CFAP69: variants seen among roughly 807,000 people sequenced by gnomAD.
The protein encoded by CFAP69 is cilia and flagella associated protein 69.
In CFAP69, 92 loss-of-function variants were observed where a neutral mutation model predicts 123.0. The ratio of observed to expected loss-of-function variants is 0.75; its 90% CI spans 0.63 to 0.89. CFAP69 has a LOEUF of 0.89. Ranked by LOEUF, CFAP69 falls within the 40% of genes least tolerant of loss-of-function variation. CFAP69 has a pLI of 0.00. For synonymous variants in CFAP69, 380 were observed against 364.3 expected, an observed-to-expected ratio of 1.04 and a Z score of -0.49; for missense variants, 1,067 against 1,096.9, an observed-to-expected ratio of 0.97 and a Z score of 0.39.
intron 17 of CFAP69, chr7:90,301,561 A>G (rs1047043397): frequency 5.3e-5 from 8 of 152,126 alleles, no homozygotes; most frequent in African/African-American, 1.9e-4. Context: ...GATCCCACTT[A>G]TAAGTGAAGA....
At chr7:90,260,385 C>T (rs933378721) in intron 3 of CFAP69, among the ~76,000 whole-genome samples, 21 of 151,932 alleles carry the variant, frequency 1.4e-4, no homozygotes, top group African/African-American at 4.3e-4. Context: ...CCATGTATGG[C>T]GATGCACACC....
chr7:90,260,067 C>CA, intron 3 of CFAP69, among the ~76,000 whole-genome samples: 1 of 152,286 alleles, frequency 6.6e-6, no homozygotes, highest in Non-Finnish European at 1.5e-5. Context: ...CTCCTTACAA[C>CA]ATTATGATTT....
At chr7:90,321,716 T>G in the CFAP69 span, among the ~76,000 whole-genome samples, 1 of 152,318 alleles carries the variant, frequency 6.6e-6, no homozygotes, top group African/African-American at 2.4e-5. Flanking sequence ...GGTTCTAATC[T>G]CTAGCTAAAC....
chr7:90,249,373 C>G (rs1244042097), intron 1 of CFAP69, among the ~76,000 whole-genome samples: 3 of 152,174 alleles, frequency 2.0e-5, no homozygotes, highest in African/African-American at 7.2e-5. Context: ...AAACCTCTTT[C>G]CTTTATAAAT....
chr7:90,251,078 A>G (rs1258430042), intron 1 of CFAP69, among the ~76,000 whole-genome samples: 1 of 152,112 alleles, frequency 6.6e-6, no homozygotes, highest in Admixed American at 6.6e-5. Flanking sequence ...TCAGTCTCAC[A>G]CAGCATACAA....
chr7:90,269,860 G>A (rs1799702682), intron 6 of CFAP69, among the ~76,000 whole-genome samples: 1 of 152,112 alleles, frequency 6.6e-6, no homozygotes, highest in Non-Finnish European at 1.5e-5. Context: ...CACATTTGTA[G>A]GCAGAGGAGC....
Position 90,307,114 on chromosome 7 carries a change from A to C in CFAP69, c.2463+16A>C, listed in dbSNP as rs1173777587. ...ATATGCAAAAGTAAGCTACATAGGT[A>C]GTGAGGAGGGAGAATGAAGATAGGT... is the stretch of plus-strand genomic sequence containing the variant. On this transcript the variant is annotated intron_variant, in intron 20 of 22. Transcript: ENST00000389297. 1 of 1,597,610 alleles carries C rather than the reference A, an allele frequency of 6.3e-7. No homozygotes were observed. Among genetic ancestry groups the C allele is most frequent in the Non-Finnish European group, 8.5e-7 (1 of 1,170,550 alleles).
chr7:90,268,250 G>A (rs755252982), intron 5 of CFAP69, 36 bp from the exon 6 acceptor site: 3 of 1,304,386 alleles, frequency 2.3e-6, no homozygotes, highest in Non-Finnish European at 2.2e-6. Context: ...GCTTATGACA[G>A]TGTTGTTAAA....
At chr7:90,260,342 A>C (rs1427581938) in intron 3 of CFAP69, among the ~76,000 whole-genome samples, 1 of 151,986 alleles carries the variant, frequency 6.6e-6, no homozygotes, top group Non-Finnish European at 1.5e-5. Context: ...CCTGGGCAAC[A>C]TAGCAAGACC....
Position 90,264,869 on chromosome 7 carries a change from C to G in CFAP69, c.357-432C>G, listed in dbSNP as rs560402776. ...AGTGCAGTGGCGCAATCTCAGCTCA[C>G]TGCAACCTCCGCCTCCAGGATTCTA... On this transcript the variant is annotated intron_variant, in intron 4 of 22. Transcript: ENST00000389297. 5.3e-5 allele frequency among the ~76,000 whole-genome samples: 8 copies of G among 152,192 alleles called. No homozygotes were observed. In the South Asian group the frequency reaches 1.7e-3, roughly 32 times the overall value.
intron 14 of CFAP69, 141 bp from the exon 15 acceptor site, chr7:90,288,093 A>G: frequency 1.7e-6 from 1 of 585,998 alleles, no homozygotes; most frequent in Non-Finnish European, 2.8e-6. Context: ...GGTTTTTTAA[A>G]TTGCAGTAAA....
rs561833748 is a variant in CFAP69 at position 90,264,696 on chromosome 7, C to T, written c.357-605C>T. Reference sequence around the variant, plus strand: ...AAGTTTTTTTATTCATGAAGCGATGCAAAATGGCTTTCTTAACCTATGCCT... The same window carrying T: ...AAGTTTTTTTATTCATGAAGCGATGTAAAATGGCTTTCTTAACCTATGCCT... On this transcript the variant is annotated intron_variant, in intron 4 of 22. Transcript: ENST00000389297. Among the ~76,000 whole-genome samples, 11 of 152,186 alleles carry T rather than the reference C, an allele frequency of 7.2e-5. No individual in the cohort carries two copies. In the South Asian group the frequency reaches 2.3e-3, roughly 32 times the overall value.
intron 1 of CFAP69, 90 bp from the exon 2 acceptor site, chr7:90,255,333 C>T: frequency 9.9e-7 from 1 of 1,009,482 alleles, no homozygotes; most frequent in Non-Finnish European, 1.5e-6. Context: ...TTTAAGTTAC[C>T]AAGGGAAAGT....
chr7:90,294,872 C>T (rs1791699676), intron 15 of CFAP69, among the ~76,000 whole-genome samples: 1 of 152,170 alleles, frequency 6.6e-6, no homozygotes, highest in Non-Finnish European at 1.5e-5. Context: ...ATTCATTCAA[C>T]TGGTTTGCAC....
rs10527106 is a variant in CFAP69, at chr7:90,250,187, G to GGA, written c.120+4690_120+4691dup. Among the ~76,000 whole-genome samples the GGA allele has an allele frequency of 7.6e-3, 959 of 125,678 alleles. 16 individuals carry two copies. The highest frequency in any genetic ancestry group is 0.021 in the Middle Eastern group (5 of 242). 82.4% of individuals were successfully genotyped at this position (125,678 alleles called of 152,430 possible). A position where few individuals can be genotyped will look rare whatever the true frequency, so the allele number is the denominator to read the frequency against. ...GGGAGACCCCCACTCTTTAAAGAGAGGAGAGAGAGAGAGAGAGAGAGAGAG... is the reference window on the plus strand; with the variant it reads ...GGGAGACCCCCACTCTTTAAAGAGAGGAGAGAGAGAGAGAGAGAGAGAGAGAG... On this transcript the variant is annotated intron_variant, in intron 1 of 22. Transcript: ENST00000389297.
the CFAP69 span, chr7:90,322,572 C>T: frequency 6.6e-6 from 1 of 152,208 alleles, no homozygotes; most frequent in Non-Finnish European, 1.5e-5. Context: ...AATGAATTGG[C>T]TCAATTTCTC....
the CFAP69 span, chr7:90,318,939 A>G: frequency 6.5e-6 from 1 of 153,984 alleles, no homozygotes; most frequent in Non-Finnish European, 1.4e-5. Context: ...AATTGTTAAT[A>G]TTCATTCCAA....
intron 3 of CFAP69, 88 bp from the exon 4 acceptor site, chr7:90,261,859 C>A (rs1798377407): frequency 1.5e-6 from 1 of 661,926 alleles, no homozygotes; most frequent in Non-Finnish European, 2.3e-6. Context: ...AGTTGGAATT[C>A]TATAGACTTT....
At chr7:90,269,992 A>C (rs1410837549) in intron 6 of CFAP69, 2 of 152,206 alleles carry the variant, frequency 1.3e-5, no homozygotes, top group Non-Finnish European at 2.9e-5. Context: ...AAAGAAAGGG[A>C]AACCAGTGGT....
Sources: allele counts gnomAD v4.1 joint callset (sites outside exome capture counted in the v4.1 genomes callset), GRCh38; gene constraint gnomAD v4.1.1; transcripts MANE v1.5; gene names NCBI Gene and HGNC (gene_info 2026-07-23, HGNC 2026-07-21).